Variants in INPP5D observed in about 807,000 individuals in gnomAD.
INPP5D encodes inositol polyphosphate-5-phosphatase D, also known as phosphatidylinositol 3,4,5-trisphosphate 5-phosphatase 1.
Under a neutral mutation model 122.9 loss-of-function variants are expected in INPP5D, and 33 were observed. The ratio of observed to expected loss-of-function variants is 0.27; its 90% CI spans 0.20 to 0.36. The LOEUF (loss-of-function observed/expected upper bound fraction) is 0.36, where lower values mean the gene tolerates loss of function less well. Ranked by LOEUF, INPP5D falls within the 10% of genes least tolerant of loss-of-function variation. The probability of loss-of-function intolerance (pLI) is 1.00; values close to 1 mark genes in which losing one functional copy is unlikely to be tolerated. For missense variants in INPP5D, 1,053 were observed against 1,412.7 expected (o/e 0.75, Z 4.08); for synonymous variants, 584 against 576.2 (o/e 1.01, Z -0.19).
chr2:233,111,556 T>G (rs547416703), intron 2 of INPP5D, among the ~76,000 whole-genome samples: 1 of 152,334 alleles, frequency 6.6e-6, no homozygotes, highest in East Asian at 1.9e-4. Flanking sequence ...TGTCCCTCAA[T>G]TTTGGGTTTT....
intron 17 of INPP5D, among the ~76,000 whole-genome samples, chr2:233,174,903 A>T (rs2106306579): frequency 6.6e-6 from 1 of 152,222 alleles, no homozygotes; most frequent in East Asian, 1.9e-4. Context: ...GTTCAAGAGA[A>T]ATTTGTATAT....
At chr2:233,083,650 C>T (rs1163586895) in intron 2 of INPP5D, among the ~76,000 whole-genome samples, 12 of 152,152 alleles carry the variant, frequency 7.9e-5, no homozygotes, top group Admixed American at 3.3e-4. Flanking sequence ...TTGAGCTGCT[C>T]GCTGCAGACT....
intron 2 of INPP5D, among the ~76,000 whole-genome samples, chr2:233,089,958 C>T (rs1200809545): frequency 6.6e-6 from 1 of 152,200 alleles, no homozygotes; most frequent in Non-Finnish European, 1.5e-5. Flanking sequence ...TGAGAGGCGC[C>T]CAGTCCCTCT....
At chr2:233,198,663 G>GT (rs1405467161) in intron 25 of INPP5D, among the ~76,000 whole-genome samples, 3 of 152,222 alleles carry the variant, frequency 2.0e-5, no homozygotes, top group Admixed American at 6.5e-5. Flanking sequence ...CAAAAAACAT[G>GT]TTTTGGGCCG....
chr2:233,132,342 C>T (rs1193634328), intron 5 of INPP5D, among the ~76,000 whole-genome samples: 3 of 152,222 alleles, frequency 2.0e-5, no homozygotes, highest in Non-Finnish European at 4.4e-5. Context: ...TTCCCTAACA[C>T]CTCAACACTA....
chr2:233,132,597 T>C (rs977491861), intron 5 of INPP5D, among the ~76,000 whole-genome samples: 66 of 152,240 alleles, frequency 4.3e-4, no homozygotes, highest in Non-Finnish European at 8.8e-5. Flanking sequence ...TTTTAGGAAA[T>C]TGTAGAAAGG....
intron 2 of INPP5D, among the ~76,000 whole-genome samples, chr2:233,120,377 G>A (rs1233780481): frequency 6.6e-6 from 1 of 152,188 alleles, no homozygotes; most frequent in Non-Finnish European, 1.5e-5. Flanking sequence ...CCAGCTACTT[G>A]GGAGGCTGAG....
At chr2:233,194,341 G>A (rs1695128170) in intron 23 of INPP5D, among the ~76,000 whole-genome samples, 1 of 152,188 alleles carries the variant, frequency 6.6e-6, no homozygotes, top group Non-Finnish European at 1.5e-5. Context: ...CACAGCTACA[G>A]CTGCAGATGA....
At chr2:233,119,623 T>C (rs939817551) in intron 2 of INPP5D, among the ~76,000 whole-genome samples, 1 of 151,520 alleles carries the variant, frequency 6.6e-6, no homozygotes, top group Non-Finnish European at 1.5e-5. Context: ...CACACACACA[T>C]ACGCCCAGGC....
At chr2:233,144,337 AG>A (rs1337756792) in intron 6 of INPP5D, among the ~76,000 whole-genome samples, 4 of 122,234 alleles carry the variant, frequency 3.3e-5, no homozygotes, top group Non-Finnish European at 5.2e-5. Context: ...TAAGAGTGGG[AG>A]GGGTGGAGAT....
At chr2:233,121,164 C>CTCTG (rs1383517379) in intron 2 of INPP5D, among the ~76,000 whole-genome samples, 1 of 135,604 alleles carries the variant, frequency 7.4e-6, no homozygotes, top group African/African-American at 2.7e-5. Context: ...CAGGGTCTCA[C>CTCTG]TCTGTCGCCC....
At chr2:233,088,151 A>G (rs1691900945) in intron 2 of INPP5D, among the ~76,000 whole-genome samples, 1 of 151,850 alleles carries the variant, frequency 6.6e-6, no homozygotes. Flanking sequence ...AATTTTTTGT[A>G]TTTTTAGTAG....
chr2:233,070,247 T>C (rs1031910313), intron 1 of INPP5D, among the ~76,000 whole-genome samples: 2 of 152,290 alleles, frequency 1.3e-5, no homozygotes, highest in South Asian at 2.1e-4. Flanking sequence ...TTAAGTTTTA[T>C]GATTTTTTTT....
chr2:233,104,006 CTTT>C (rs5839471), intron 2 of INPP5D, among the ~76,000 whole-genome samples: 179 of 81,810 alleles, frequency 2.2e-3, no homozygotes, highest in African/African-American at 0.011. Flanking sequence ...TGTGCCCTGC[CTTT>C]TTTTTTTTTT....
intron 9 of INPP5D, 35 bp from the exon 10 acceptor site, chr2:233,158,278 G>A (rs1239124458): frequency 2.9e-6 from 2 of 691,998 alleles, no homozygotes; most frequent in Admixed American, 2.1e-5. Context: ...TTGAATGAGT[G>A]GATGAATGAA....
chr2:233,137,951 A>G (rs1001310733), intron 5 of INPP5D, among the ~76,000 whole-genome samples: 2 of 50,018 alleles, frequency 4.0e-5, no homozygotes, highest in Non-Finnish European at 1.2e-4. Context: ...TTATGATATA[A>G]TGATATTATA....
At chr2:233,159,535 G>GAAAAA (rs374072260) in intron 10 of INPP5D, among the ~76,000 whole-genome samples, 53 of 143,922 alleles carry the variant, frequency 3.7e-4, no homozygotes, top group Non-Finnish European at 5.0e-4. Flanking sequence ...TCATCTCTAC[G>GAAAAA]AAAAAAAAAA....
intron 2 of INPP5D, among the ~76,000 whole-genome samples, chr2:233,110,057 T>C (rs2106242383): frequency 6.6e-6 from 1 of 151,400 alleles, no homozygotes; most frequent in African/African-American, 2.4e-5. Flanking sequence ...GCTAATTTTT[T>C]TTTTTTTTTT....
At chr2:233,119,015 T>A (rs1380130233) in intron 2 of INPP5D, among the ~76,000 whole-genome samples, 1 of 152,246 alleles carries the variant, frequency 6.6e-6, no homozygotes, top group African/African-American at 2.4e-5. Context: ...ACACAGCATA[T>A]GTCATCAAGT....
Sources: gnomAD v4.1 joint callset for allele counts (sites outside exome capture counted in the v4.1 genomes callset) on GRCh38, gnomAD v4.1.1 for gene constraint, MANE v1.5 for transcripts, NCBI Gene and HGNC (gene_info 2026-07-23, HGNC 2026-07-21) for gene names.